Variants in SEMA5A observed in about 807,000 individuals in gnomAD.
SEMA5A encodes the protein semaphorin-5A.
A neutral mutation model predicts 135.5 loss-of-function variants in SEMA5A; 55 were observed. That is an observed-to-expected ratio of 0.41 (90% confidence interval 0.33 to 0.51). The LOEUF is 0.51. SEMA5A is among the 20% of genes least tolerant of loss of function. The pLI, the probability that SEMA5A is intolerant of heterozygous loss-of-function variation, is 0.37. For missense variants in SEMA5A, 1,290 were observed against 1,419.9 expected, an observed-to-expected ratio of 0.91 and a Z score of 1.47; for synonymous variants, 580 against 546.5, an observed-to-expected ratio of 1.06 and a Z score of -0.85.
intron 1 of SEMA5A, chr5:9,517,453 C>A (rs986246336): frequency 6.6e-6 from 1 of 152,226 alleles, no homozygotes; most frequent in Non-Finnish European, 1.5e-5. Context: ...CACCTCAGAA[C>A]CCCTGGACCA....
intron 2 of SEMA5A, among the ~76,000 whole-genome samples, chr5:9,431,290 T>C (rs1055069176): frequency 6.6e-6 from 1 of 152,182 alleles, no homozygotes; most frequent in Non-Finnish European, 1.5e-5. Context: ...GTAAACAACT[T>C]AGATCAACCC....
At chr5:9,329,758 C>G (rs1753036128) in intron 4 of SEMA5A, among the ~76,000 whole-genome samples, 2 of 152,164 alleles carry the variant, frequency 1.3e-5, no homozygotes, top group Admixed American at 6.5e-5. Flanking sequence ...TTATTTACGG[C>G]TGTCCCTTGG....
At chr5:9,535,061 G>A (rs761527908) in intron 1 of SEMA5A, among the ~76,000 whole-genome samples, 2 of 152,120 alleles carry the variant, frequency 1.3e-5, no homozygotes, top group Admixed American at 6.5e-5. Flanking sequence ...TGTGAGCCCC[G>A]GGAAAGCCCT....
intron 1 of SEMA5A, among the ~76,000 whole-genome samples, chr5:9,454,831 T>G (rs779366542): frequency 6.6e-6 from 1 of 152,190 alleles, no homozygotes; most frequent in Admixed American, 6.5e-5. Context: ...AAAAGGAAAT[T>G]TGAGTATCTT....
chr5:9,130,844 T>G (rs530256782), intron 13 of SEMA5A, among the ~76,000 whole-genome samples: 7 of 152,316 alleles, frequency 4.6e-5, no homozygotes, highest in East Asian at 3.9e-4. Context: ...TCCTGAAGAT[T>G]AGGTATAATG....
intron 18 of SEMA5A, among the ~76,000 whole-genome samples, chr5:9,062,053 C>T (rs1228774431): frequency 6.6e-6 from 1 of 152,114 alleles, no homozygotes; most frequent in Non-Finnish European, 1.5e-5. Context: ...TATTTCAGAC[C>T]ACATTAGAAA....
intron 11 of SEMA5A, among the ~76,000 whole-genome samples, chr5:9,161,565 T>A (rs968714202): frequency 1.4e-5 from 2 of 146,740 alleles, no homozygotes; most frequent in Admixed American, 1.3e-4. Context: ...ATTTTATACT[T>A]ATAGTCCATT....
chr5:9,254,595 G>A (rs1432375941), intron 5 of SEMA5A, among the ~76,000 whole-genome samples: 2 of 152,068 alleles, frequency 1.3e-5, no homozygotes, highest in Non-Finnish European at 2.9e-5. Context: ...AGACCATGGT[G>A]TTTCATACAG....
At chr5:9,147,654 A>C (rs1417697377) in intron 12 of SEMA5A, among the ~76,000 whole-genome samples, 1 of 151,446 alleles carries the variant, frequency 6.6e-6, no homozygotes, top group Non-Finnish European at 1.5e-5. Context: ...TATGTAAGCT[A>C]TAATACTTCC....
intron 12 of SEMA5A, among the ~76,000 whole-genome samples, chr5:9,153,708 C>T (rs866194369): frequency 6.6e-5 from 10 of 151,900 alleles, no homozygotes; most frequent in Admixed American, 1.3e-4. Flanking sequence ...TCGAGAAGGA[C>T]GTATACCTTA....
chr5:9,063,564 T>C (rs1040458394), intron 17 of SEMA5A, among the ~76,000 whole-genome samples: 1 of 152,206 alleles, frequency 6.6e-6, no homozygotes, highest in African/African-American at 2.4e-5. Flanking sequence ...TTTCAGCTGT[T>C]AACCTTTCAA....
At chr5:9,311,012 A>G (rs1005306556) in intron 5 of SEMA5A, among the ~76,000 whole-genome samples, 1 of 152,026 alleles carries the variant, frequency 6.6e-6, no homozygotes, top group Non-Finnish European at 1.5e-5. Flanking sequence ...TATATGTTCA[A>G]TCAAGTAATC....
At chr5:9,191,846 AGTTT>A (rs1437685115) in intron 10 of SEMA5A, among the ~76,000 whole-genome samples, 5 of 151,924 alleles carry the variant, frequency 3.3e-5, no homozygotes, top group Non-Finnish European at 1.5e-5. Flanking sequence ...CCCAAGTGTG[AGTTT>A]AGGTGAAGGG....
At chr5:9,463,815 G>A (rs1402333058) in intron 1 of SEMA5A, among the ~76,000 whole-genome samples, 1 of 152,164 alleles carries the variant, frequency 6.6e-6, no homozygotes, top group African/African-American at 2.4e-5. Flanking sequence ...ACTTAGCCTG[G>A]AATGTGTTCT....
chr5:9,540,552 G>A (rs968674718), intron 1 of SEMA5A, among the ~76,000 whole-genome samples: 7 of 152,168 alleles, frequency 4.6e-5, no homozygotes, highest in East Asian at 1.9e-4. Context: ...AGCCAAGATC[G>A]CGCCACTGCA....
intron 2 of SEMA5A, among the ~76,000 whole-genome samples, chr5:9,430,523 C>T (rs1757819671): frequency 6.6e-6 from 1 of 152,072 alleles, no homozygotes; most frequent in Admixed American, 6.6e-5. Flanking sequence ...GCTTGGATGG[C>T]AGGGAGATGA....
In SEMA5A at chr5:9,400,501, A is replaced by ATTTTTTTTTTTTTTTTTTT. The variant is rs1215358817; in HGVS notation, c.-77-20497_-77-20479dup. On this transcript the variant is annotated intron_variant, in intron 2 of 22. Transcript: ENST00000382496. ...CTTCAATAGTTTGAACACAATGTAC[A>ATTTTTTTTTTTTTTTTTTT]TTTTTTTTTTTTTTTTTTTTTTTGA... 1.7e-4 allele frequency among the ~76,000 whole-genome samples: 15 copies of ATTTTTTTTTTTTTTTTTTT among 87,016 alleles called. 2 individuals carry two copies. The highest frequency in any genetic ancestry group is 7.6e-4 in the African/African-American group (15 of 19,660). The allele number at this position is 87,016 out of a possible 152,430, so 57.1% of individuals were successfully genotyped here.
intron 2 of SEMA5A, among the ~76,000 whole-genome samples, chr5:9,420,109 G>A (rs1473083324): frequency 6.6e-6 from 1 of 151,926 alleles, no homozygotes; most frequent in Non-Finnish European, 1.5e-5. Context: ...ACACATGATG[G>A]AGCGCTCCAT....
At chr5:9,516,901 T>A (rs570829947) in intron 1 of SEMA5A, 2 of 152,286 alleles carry the variant, frequency 1.3e-5, no homozygotes, top group South Asian at 2.1e-4. Context: ...ATTATTTACA[T>A]CCTATCCCAA....
Sources: allele counts gnomAD v4.1 joint callset (sites outside exome capture counted in the v4.1 genomes callset), GRCh38; gene constraint gnomAD v4.1.1; transcripts MANE v1.5; gene names NCBI Gene and HGNC (gene_info 2026-07-23, HGNC 2026-07-21).